COG4: variants seen among roughly 807,000 people sequenced by gnomAD.
COG4 encodes the protein component of oligomeric golgi complex 4.
Under a neutral mutation model 95.1 loss-of-function variants are expected in COG4, and 65 were observed. The observed-to-expected ratio is 0.68, with a 90% confidence interval of 0.56 to 0.84. COG4 has a LOEUF of 0.84. COG4 is among the 40% of genes least tolerant of loss of function. The pLI, the probability that COG4 is intolerant of heterozygous loss-of-function variation, is 0.00. For missense variants in COG4, 1,045 were observed against 989.1 expected, an observed-to-expected ratio of 1.06 and a Z score of -0.76; for synonymous variants, 421 against 374.8, an observed-to-expected ratio of 1.12 and a Z score of -1.42.
intron 14 of COG4, among the ~76,000 whole-genome samples, chr16:70,483,363 C>T (rs1407088644): frequency 6.7e-6 from 1 of 148,472 alleles, no homozygotes; most frequent in African/African-American, 2.5e-5. Context: ...TTCTTCCAGC[C>T]CTGAGGCTTT....
At position 70,523,365 on chromosome 16, in the gene COG4, C is replaced by A; in HGVS notation, c.171+8G>T. The A allele has an allele frequency of 6.2e-7, 1 of 1,614,094 alleles. No individual in the cohort carries two copies. Among genetic ancestry groups the A allele is most frequent in the East Asian group, 2.2e-5 (1 of 44,888 alleles). On this transcript the variant is annotated splice_region_variant and intron_variant, in intron 1 of 18. Transcript: ENST00000323786. ...CCTCCATGAAAAAGAAGAGGCTCGA[C>A]CCCGCACCTCCTCGCCGCAGAGCCG...
At chr16:70,503,165 C>T (rs2049488713) in intron 8 of COG4, among the ~76,000 whole-genome samples, 1 of 152,204 alleles carries the variant, frequency 6.6e-6, no homozygotes, top group Non-Finnish European at 1.5e-5. Flanking sequence ...AATCCTCCCA[C>T]CTCAGCCTCC....
intron 12 of COG4, 95 bp downstream of exon 12, chr16:70,496,171 G>C: frequency 7.6e-7 from 1 of 1,312,966 alleles, no homozygotes; most frequent in Non-Finnish European, 1.1e-6. Flanking sequence ...TGGAGGAAAA[G>C]TCTCTAGCTA....
chr16:70,516,424 G>A (rs1211164211), intron 3 of COG4, among the ~76,000 whole-genome samples: 1 of 151,872 alleles, frequency 6.6e-6, no homozygotes, highest in Non-Finnish European at 1.5e-5. Flanking sequence ...AGACTCCTGA[G>A]TAGCTGGGAC....
intron 4 of COG4, among the ~76,000 whole-genome samples, chr16:70,514,059 CA>C (rs2049769893): frequency 6.6e-6 from 1 of 151,940 alleles, no homozygotes; most frequent in African/African-American, 2.4e-5. Flanking sequence ...ATACAAAAAA[CA>C]TTAGTGAGGT....
chr16:70,514,774 C>T (rs1425449687), intron 3 of COG4, among the ~76,000 whole-genome samples: 4 of 151,632 alleles, frequency 2.6e-5, no homozygotes, highest in South Asian at 2.1e-4. Flanking sequence ...AGTGCAGTGG[C>T]GCAATCATGG....
Position 70,510,039 on chromosome 16 carries a change from CCA to C in COG4, c.739-20_739-19del, listed in dbSNP as rs1326122451. On this transcript the variant is annotated intron_variant, in intron 5 of 18. Transcript: ENST00000323786. ...CTGGCCACCTAAAAAAGGAGAAAAC[CCA>C]CACACATTCCTCAGAAAGGTCACCC... The C allele has an allele frequency of 6.3e-7, 1 of 1,596,566 alleles. No homozygotes were observed. Among genetic ancestry groups the C allele is most frequent in the Non-Finnish European group, 8.6e-7 (1 of 1,164,128 alleles).
Position 70,510,586 on chromosome 16 carries a change from A to C in COG4, c.739-565T>G, listed in dbSNP as rs548301126. 3.3e-5 allele frequency among the ~76,000 whole-genome samples: 5 copies of C among 152,226 alleles called. No homozygotes were observed. The South Asian group carries it at 1.0e-3, about 32-fold the overall frequency. On this transcript the variant is annotated intron_variant, in intron 5 of 18. Coordinates refer to ENST00000323786, the MANE Select transcript of COG4 (RefSeq NM_015386.3). ...GCAATCCTCTTGCCTCAGCATCCCA[A>C]AGTGTTGGAATTACAGGCGTGAGCC...
intron 15 of COG4, 33 bp from the exon 16 acceptor site, chr16:70,482,208 G>A (rs2151737834): frequency 7.4e-7 from 1 of 1,344,628 alleles, no homozygotes; most frequent in South Asian, 1.2e-5. Flanking sequence ...GTCACCATGG[G>A]CCTCATAAGA....
At chr16:70,518,622 G>T (rs2049873146) in intron 2 of COG4, among the ~76,000 whole-genome samples, 1 of 152,066 alleles carries the variant, frequency 6.6e-6, no homozygotes. Context: ...TTACAAGCAT[G>T]AGCCACTACA....
At position 70,490,416 on chromosome 16, in the gene COG4, G is replaced by A. The variant is rs1280846198; in HGVS notation, c.1648-24C>T. ...ACCTGGGAGATGAGGAAGGAAGAAC[G>A]TGACTTCCTGCTGACTGTGCCTGCC... On this transcript the variant is annotated intron_variant, in intron 12 of 18. Coordinates refer to ENST00000323786, the MANE Select transcript of COG4 (RefSeq NM_015386.3). 4.4e-6 allele frequency: 7 copies of A among 1,601,090 alleles called. No homozygotes were observed. In the East Asian group the frequency reaches 6.7e-5, roughly 15 times the overall value.
chr16:70,488,136 CTT>C (rs1022467873), intron 13 of COG4, among the ~76,000 whole-genome samples: 1 of 143,942 alleles, frequency 6.9e-6, no homozygotes, highest in African/African-American at 2.6e-5. Context: ...TTATTTTTAC[CTT>C]TTTTTTTTCT....
chr16:70,517,541 T>C (rs1047551458), intron 3 of COG4, 85 bp downstream of exon 3: 19 of 810,972 alleles, frequency 2.3e-5, no homozygotes, highest in East Asian at 2.0e-4. Context: ...TGAGCTGTCA[T>C]TGTACCACTG....
chr16:70,502,504 G>A (rs1283672754), intron 8 of COG4, among the ~76,000 whole-genome samples: 4 of 139,016 alleles, frequency 2.9e-5, no homozygotes, highest in East Asian at 2.4e-4. Flanking sequence ...GGGAGGCTGA[G>A]GCGGGAGAGT....
At chr16:70,485,328 C>T (rs1175678601) in intron 13 of COG4, among the ~76,000 whole-genome samples, 6 of 151,530 alleles carry the variant, frequency 4.0e-5, no homozygotes, top group African/African-American at 9.7e-5. Context: ...CTCAGCCTCC[C>T]GAGTAGCTGG....
chr16:70,511,170 T>C (rs2049695854), intron 5 of COG4, among the ~76,000 whole-genome samples: 1 of 152,252 alleles, frequency 6.6e-6, no homozygotes, highest in African/African-American at 2.4e-5. Context: ...TTCTAACCTG[T>C]GTCTCTTAAT....
In COG4 at chr16:70,500,911, G is replaced by A. The variant is rs775759638; in HGVS notation, c.1195+47C>T. ...TGTGGCTTAACTATTAAGAAACACT[G>A]CCAATTATACCTCAACCCTCCCCAA... On this transcript the variant is annotated intron_variant, in intron 9 of 18. Coordinates refer to ENST00000323786, the MANE Select transcript of COG4 (RefSeq NM_015386.3). 4 of 1,610,150 alleles carry A rather than the reference G, an allele frequency of 2.5e-6. No individual in the cohort carries two copies. In the South Asian group the frequency reaches 3.3e-5, roughly 13 times the overall value.
Position 70,501,060 on chromosome 16 carries a change from G to C in COG4, c.1093C>G (p.Leu365Val). ...TATAGCTCACTGCGGGCATTCATCA[G>C]GGTGACCTCAGTCAGGATGGGGTCC... ...ELDPILTEVT[L>V]MNARSELYLR... The change falls in exon 9 of 19, where the codon CTG becomes GTG. Residue 365 changes from leucine to valine, a missense_variant. Coordinates refer to ENST00000323786, the MANE Select transcript of COG4 (RefSeq NM_015386.3). 1 of 1,613,822 alleles carries C rather than the reference G, an allele frequency of 6.2e-7. No individual in the cohort carries two copies. The highest frequency in any genetic ancestry group is 8.5e-7 in the Non-Finnish European group (1 of 1,180,006).
At chr16:70,504,594 G>T (rs1597676208) in intron 8 of COG4, among the ~76,000 whole-genome samples, 1 of 128,406 alleles carries the variant, frequency 7.8e-6, no homozygotes, top group Admixed American at 8.0e-5. Context: ...GTGACGGAGT[G>T]AGTGAGATTC....
Sources: gnomAD v4.1 joint callset for allele counts (sites outside exome capture counted in the v4.1 genomes callset) on GRCh38, gnomAD v4.1.1 for gene constraint, MANE v1.5 for transcripts, NCBI Gene and HGNC (gene_info 2026-07-23, HGNC 2026-07-21) for gene names.